Variants in BLTP3B observed in about 807,000 individuals in gnomAD.
BLTP3B encodes bridge-like lipid transfer protein family member 3B, also known as UHRF1 (ICBP90) binding protein 1-like.
the BLTP3B span, among the ~76,000 whole-genome samples, chr12:100,115,664 T>C: frequency 6.6e-6 from 1 of 151,502 alleles, no homozygotes; most frequent in East Asian, 1.9e-4. Flanking sequence ...CCTGGGAGAC[T>C]GAGGTAGGAA....
chr12:100,085,472 C>T, the BLTP3B span, among the ~76,000 whole-genome samples: 5 of 151,536 alleles, frequency 3.3e-5, no homozygotes, highest in Non-Finnish European at 7.4e-5. Flanking sequence ...AAGACAAAAT[C>T]CTTCAAAAGA....
At chr12:100,129,796 G>A in the BLTP3B span, among the ~76,000 whole-genome samples, 100 of 152,234 alleles carry the variant, frequency 6.6e-4, 1 homozygote, top group African/African-American at 2.4e-3. Context: ...GGAGAAAACT[G>A]TAATATTGGA....
chr12:100,142,123 C>T, the BLTP3B span, among the ~76,000 whole-genome samples: 1 of 152,194 alleles, frequency 6.6e-6, no homozygotes. Context: ...CCACTGAGAA[C>T]ACAGCCTCCA....
chr12:100,105,603 G>A, the BLTP3B span, among the ~76,000 whole-genome samples: 1 of 152,060 alleles, frequency 6.6e-6, no homozygotes, highest in Non-Finnish European at 1.5e-5. Flanking sequence ...AGAAAACCTA[G>A]GAAAAACTCT....
At chr12:100,085,818 T>C in the BLTP3B span, among the ~76,000 whole-genome samples, 17 of 152,126 alleles carry the variant, frequency 1.1e-4, no homozygotes, top group African/African-American at 4.1e-4. Context: ...TAAGAGCCTA[T>C]GAAATCTGGA....
At chr12:100,126,580 G>A in the BLTP3B span, among the ~76,000 whole-genome samples, 1 of 151,732 alleles carries the variant, frequency 6.6e-6, no homozygotes, top group Non-Finnish European at 1.5e-5. Context: ...ATCTCTTTGG[G>A]CACAAAAATT....
the BLTP3B span, chr12:100,058,785 T>G: frequency 7.4e-6 from 12 of 1,613,988 alleles, no homozygotes; most frequent in Non-Finnish European, 9.3e-6. Flanking sequence ...AAGTGACTCA[T>G]GCAGGAAAAG....
chr12:100,048,226 G>T, the BLTP3B span: 1 of 1,549,470 alleles, frequency 6.5e-7, no homozygotes, highest in South Asian at 1.3e-5. Context: ...AAAAATGTTT[G>T]TAGCATTATT....
chr12:100,054,902 T>C, the BLTP3B span, among the ~76,000 whole-genome samples: 2 of 152,184 alleles, frequency 1.3e-5, no homozygotes, highest in Non-Finnish European at 2.9e-5. Context: ...TTTCTAAATC[T>C]ATAGAAAAGT....
At chr12:100,096,639 C>T in the BLTP3B span, among the ~76,000 whole-genome samples, 1 of 151,474 alleles carries the variant, frequency 6.6e-6, no homozygotes, top group Non-Finnish European at 1.5e-5. Flanking sequence ...GACAACAAAG[C>T]GAGACCCTGT....
chr12:100,130,203 G>A, the BLTP3B span, among the ~76,000 whole-genome samples: 6 of 152,052 alleles, frequency 3.9e-5, no homozygotes, highest in South Asian at 2.1e-4. Flanking sequence ...CAAGTGATGC[G>A]CCCGCCTTGG....
the BLTP3B span, among the ~76,000 whole-genome samples, chr12:100,071,421 C>G: frequency 6.8e-6 from 1 of 147,496 alleles, no homozygotes; most frequent in Non-Finnish European, 1.5e-5. Context: ...TGTTTGGGCC[C>G]GGGAGGCAGA....
At chr12:100,058,496 A>C in the BLTP3B span, 6 of 1,613,414 alleles carry the variant, frequency 3.7e-6, no homozygotes, top group Non-Finnish European at 5.1e-6. Flanking sequence ...TGTCTGACAT[A>C]TGATTAACAG....
the BLTP3B span, among the ~76,000 whole-genome samples, chr12:100,140,730 ATAT>A: frequency 8.9e-4 from 55 of 61,790 alleles, no homozygotes; most frequent in African/African-American, 2.0e-3. Flanking sequence ...AAAAAAAAAA[ATAT>A]ATATATATAT....
At chr12:100,048,732 G>C in the BLTP3B span, among the ~76,000 whole-genome samples, 2 of 140,402 alleles carry the variant, frequency 1.4e-5, no homozygotes, top group Non-Finnish European at 1.5e-5. Flanking sequence ...ATAGTAAGGG[G>C]GGGGAGAGAG....
the BLTP3B span, among the ~76,000 whole-genome samples, chr12:100,130,542 AATAAG>A: frequency 6.6e-6 from 1 of 152,178 alleles, no homozygotes; most frequent in Non-Finnish European, 1.5e-5. Flanking sequence ...ATTCTTTAAA[AATAAG>A]ATAAATCTTA....
the BLTP3B span, among the ~76,000 whole-genome samples, chr12:100,129,512 TG>T: frequency 6.6e-6 from 1 of 152,254 alleles, no homozygotes. Context: ...GCAAAGTCCC[TG>T]GCTTCTAAAA....
At chr12:100,101,615 A>C in the BLTP3B span, among the ~76,000 whole-genome samples, 5 of 152,234 alleles carry the variant, frequency 3.3e-5, no homozygotes, top group Admixed American at 3.3e-4. Flanking sequence ...AGTGCAAAAA[A>C]GCAGACAACA....
At chr12:100,056,106 G>A in the BLTP3B span, among the ~76,000 whole-genome samples, 302 of 152,288 alleles carry the variant, frequency 2.0e-3, 1 homozygote, top group African/African-American at 6.8e-3. Context: ...GTATGAATGC[G>A]TCCCTTTGAA....
Sources: gnomAD v4.1 joint callset for allele counts (sites outside exome capture counted in the v4.1 genomes callset) on GRCh38, gnomAD v4.1.1 for gene constraint, MANE v1.5 for transcripts, NCBI Gene and HGNC (gene_info 2026-07-23, HGNC 2026-07-21) for gene names.